The following SYCP2 variants were observed in gnomAD, a reference collection of about 807,000 sequenced individuals.
SYCP2 encodes the protein synaptonemal complex lateral element protein.
SYCP2 carries 55 observed loss-of-function variants against 211.3 expected under a neutral mutation model. That is an observed-to-expected ratio of 0.26 (90% CI 0.21 to 0.33). The LOEUF (loss-of-function observed/expected upper bound fraction) is 0.33, where lower values mean the gene tolerates loss of function less well. SYCP2 is among the 10% of genes least tolerant of loss of function. The pLI, the probability that SYCP2 is intolerant of heterozygous loss-of-function variation, is 1.00. For missense variants in SYCP2, 1,731 were observed against 1,752.0 expected (o/e 0.99, Z 0.21); for synonymous variants, 570 against 555.2 (o/e 1.03, Z -0.37).
At chr20:59,911,524 G>C (rs1056855635) in intron 14 of SYCP2, among the ~76,000 whole-genome samples, 2 of 152,060 alleles carry the variant, frequency 1.3e-5, no homozygotes, top group African/African-American at 4.8e-5. Flanking sequence ...GTTAAAAAAT[G>C]AGCATTAAAA....
chr20:59,903,452 A>G (rs2060155428), intron 15 of SYCP2, among the ~76,000 whole-genome samples: 1 of 152,106 alleles, frequency 6.6e-6, no homozygotes, highest in African/African-American at 2.4e-5. Flanking sequence ...TTGTTTTATG[A>G]TGTAGACATT....
Position 59,892,258 on chromosome 20 carries a change from T to C in SYCP2, c.2096A>G (p.His699Arg), listed in dbSNP as rs2059921789. The C allele has an allele frequency of 1.2e-6, 2 of 1,612,946 alleles. No homozygotes were observed. Among genetic ancestry groups the C allele is most frequent in the Admixed American group, 1.7e-5 (1 of 59,892 alleles). Reference protein sequence around the residue: ...VCKKHNQQQNHPKYSGQKNTE... With the variant: ...VCKKHNQQQNRPKYSGQKNTE... ...ATTTTTCTGCCCTGAATATTTAGGA[T>C]GATTTTGTTGCTGATTGTGTTTCTT... The change falls in exon 24 of 45, where the codon CAT (histidine) becomes CGT (arginine). Residue 699 changes from histidine (H) to arginine (R), a missense_variant. His to Arg is a conservative substitution (Grantham distance 29). Around this residue, in one of 3 missense-constraint regions of SYCP2, gnomAD observed 1,387 missense variants for 1,351.3 expected, o/e 1.03. Transcript: ENST00000357552.
At chr20:59,929,491 C>T (rs892312807) in intron 2 of SYCP2, among the ~76,000 whole-genome samples, 1 of 152,056 alleles carries the variant, frequency 6.6e-6, no homozygotes, top group African/African-American at 2.4e-5. Context: ...TGAAAACTGC[C>T]TCTGTCAGTG....
intron 5 of SYCP2, 96 bp from the exon 6 acceptor site, chr20:59,919,693 C>A: frequency 1.6e-6 from 1 of 636,236 alleles, no homozygotes; most frequent in Non-Finnish European, 2.5e-6. Context: ...GGAATAAAGA[C>A]ACATCAAAAT....
At chr20:59,912,014 GCTA>G (rs2060340864) in intron 13 of SYCP2, 169 bp from the exon 14 acceptor site, 1 of 440,040 alleles carries the variant, frequency 2.3e-6, no homozygotes, top group Non-Finnish European at 4.0e-6. Context: ...CAAATGAAAT[GCTA>G]CTTTAATATT....
chr20:59,878,812 C>CT (rs575443575), intron 31 of SYCP2, among the ~76,000 whole-genome samples: 80 of 152,108 alleles, frequency 5.3e-4, no homozygotes, highest in African/African-American at 1.9e-3. Context: ...AGTCTCACTT[C>CT]TTTTTGCCTT....
At chr20:59,924,853 T>C (rs2060605877) in intron 2 of SYCP2, among the ~76,000 whole-genome samples, 1 of 151,944 alleles carries the variant, frequency 6.6e-6, no homozygotes, top group Admixed American at 6.6e-5. Flanking sequence ...CCTATACACA[T>C]GACTTGACTT....
chr20:59,898,780 C>A (rs1366679057), intron 18 of SYCP2, among the ~76,000 whole-genome samples: 1 of 151,766 alleles, frequency 6.6e-6, no homozygotes, highest in Admixed American at 6.6e-5. Flanking sequence ...TGAAAATGAA[C>A]AAGACTTGCA....
At position 59,873,094 on chromosome 20, in the gene SYCP2, T is replaced by C. The variant is rs975084158; in HGVS notation, c.3555+762A>G. Among the ~76,000 whole-genome samples, 9 of 152,222 alleles carry C rather than the reference T, an allele frequency of 5.9e-5. No individual in the cohort carries two copies. In the East Asian group the frequency reaches 1.5e-3, roughly 26 times the overall value. The stretch of plus-strand genomic sequence containing the variant: ...TGAAATCACAGATAGTACCTCACCC[T>C]ATTATACTATGCACAGATTTCTTTT... On this transcript the variant is annotated intron_variant, in intron 35 of 44. Coordinates refer to ENST00000357552, the MANE Select transcript of SYCP2 (RefSeq NM_014258.4).
intron 37 of SYCP2, 106 bp downstream of exon 37, chr20:59,868,729 A>C: frequency 8.0e-7 from 1 of 1,257,796 alleles, no homozygotes. Context: ...TTCTTTTTAC[A>C]TTAAGTTGAA....
At chr20:59,888,028 T>C (rs2145712353) in intron 24 of SYCP2, among the ~76,000 whole-genome samples, 1 of 152,202 alleles carries the variant, frequency 6.6e-6, no homozygotes, top group African/African-American at 2.4e-5. Flanking sequence ...AATGAATACT[T>C]GATATCCTAC....
intron 16 of SYCP2, 71 bp downstream of exon 16, chr20:59,901,591 T>A: frequency 1.0e-6 from 1 of 976,560 alleles, no homozygotes; most frequent in East Asian, 2.6e-5. Flanking sequence ...AAAAACGCAA[T>A]AAAACTTATA....
At chr20:59,872,129 C>T (rs1411758559) in intron 35 of SYCP2, among the ~76,000 whole-genome samples, 1 of 151,944 alleles carries the variant, frequency 6.6e-6, no homozygotes, top group African/African-American at 2.4e-5. Context: ...TTTTATCTTT[C>T]TGACACACAA....
chr20:59,870,694 G>A (rs2059435721), intron 35 of SYCP2, among the ~76,000 whole-genome samples: 1 of 151,760 alleles, frequency 6.6e-6, no homozygotes, highest in African/African-American at 2.4e-5. Flanking sequence ...GAATGGTGGG[G>A]CAGGGGGTAT....
chr20:59,905,933 A>G (rs998400046), intron 15 of SYCP2, among the ~76,000 whole-genome samples: 2 of 152,176 alleles, frequency 1.3e-5, no homozygotes, highest in Admixed American at 6.5e-5. Context: ...GAAAGAAAGT[A>G]GTAAAACTAC....
In SYCP2 at chr20:59,892,213, C is replaced by T. The variant is rs1350690705; in HGVS notation, c.2141G>A (p.Ser714Asn). The change falls in exon 24 of 45, where the codon AGT becomes AAT. Residue 714 changes from serine to asparagine, a missense_variant. This residue lies in a region of SYCP2 where 1,387 missense variants were observed against 1,351.3 expected (regional missense o/e 1.03). Transcript: ENST00000357552. The part of the protein sequence containing the change: ...GQKNTENAKQ[S>N]DWPVESETTF... ...AGTTTCAGATTCAACAGGCCAATCA[C>T]TCTGCTTGGCATTTTCAGTATTTTT... 6.2e-6 allele frequency: 10 copies of T among 1,612,234 alleles called. No individual in the cohort carries two copies. Among genetic ancestry groups the T allele is most frequent in the South Asian group, 2.2e-5 (2 of 90,990 alleles).
At chr20:59,866,446 A>G in intron 40 of SYCP2, 49 bp downstream of exon 40, 3 of 1,555,274 alleles carry the variant, frequency 1.9e-6, no homozygotes. Context: ...TTCAGAATAT[A>G]GGAATATGTA....
In SYCP2 at chr20:59,880,378, C is replaced by T. The variant is rs144445684; in HGVS notation, c.2866G>A (p.Glu956Lys). ...DSKTDISWLR[E>K]PKSKPQLIDY... ...ATTAGCTGTGGTTTTGATTTCGGTT[C>T]TCTTAGCCAGCTAATATCAGTCTTG... Residue 956 changes from glutamate to lysine, a missense_variant, in exon 31 of 45, where the codon GAA becomes AAA. Glu to Lys is a moderately conservative substitution (Grantham distance 56). Coordinates refer to ENST00000357552, the MANE Select transcript of SYCP2 (RefSeq NM_014258.4). 1.3e-4 allele frequency: 214 copies of T among 1,601,892 alleles called. No individual in the cohort carries two copies. Among genetic ancestry groups the T allele is most frequent in the Non-Finnish European group, 1.8e-4 (208 of 1,172,050 alleles).
At chr20:59,892,838 G>T in intron 22 of SYCP2, 137 bp from the exon 23 acceptor site, 2 of 718,876 alleles carry the variant, frequency 2.8e-6, no homozygotes, top group Non-Finnish European at 2.1e-6. Context: ...TTATCTTACA[G>T]TTCTACTGTA....
Sources: allele counts gnomAD v4.1 joint callset (sites outside exome capture counted in the v4.1 genomes callset), GRCh38; gene constraint gnomAD v4.1.1; regional missense constraint gnomAD v4.1.1; transcripts MANE v1.5; gene names NCBI Gene and HGNC (gene_info 2026-07-23, HGNC 2026-07-21).